LZTR1: variants seen among roughly 807,000 people sequenced by gnomAD.
LZTR1 encodes leucine zipper like post translational regulator 1.
LZTR1 carries 260 observed loss-of-function variants against 105.7 expected under a neutral mutation model. That is an observed-to-expected ratio of 2.46 (90% confidence interval 2.22 to 2.72). The LOEUF (loss-of-function observed/expected upper bound fraction) is 2.72. Ranked by LOEUF, LZTR1 falls within the 30% of genes most tolerant of loss-of-function variation. The pLI is 0.00. For synonymous variants in LZTR1, 490 were observed against 476.4 expected (o/e 1.03, Z -0.37); for missense variants, 1,214 against 1,166.9 (o/e 1.04, Z -0.59).
Position 20,982,407 on chromosome 22 carries a change from G to A in LZTR1, c.36G>A (p.Gly12=), listed in dbSNP as rs756364667. 1.3e-6 allele frequency: 2 copies of A among 1,566,164 alleles called. No homozygotes were observed. The highest frequency in any genetic ancestry group is 1.7e-6 in the Non-Finnish European group (2 of 1,155,008). The change falls in exon 1 of 21, where the codon GGG becomes GGA. Residue 12 remains glycine, a synonymous_variant. Coordinates refer to ENST00000646124, the MANE Select transcript of LZTR1 (RefSeq NM_006767.4). ...AGPGSTGGQI[G]AAALAGGARS... is the part of the protein sequence containing the mutation. Reference sequence around the variant, plus strand: ...CGGGCAGCACGGGGGGGCAGATCGGGGCTGCGGCCCTGGCAGGCGGCGCGC... The same window carrying A: ...CGGGCAGCACGGGGGGGCAGATCGGAGCTGCGGCCCTGGCAGGCGGCGCGC...
chr22:20,991,513 GCT>G, intron 8 of LZTR1, 113 bp from the exon 9 acceptor site: 1 of 806,854 alleles, frequency 1.2e-6, no homozygotes, highest in East Asian at 2.7e-5. Context: ...TGGACCCTGG[GCT>G]AGTCACCGTA....
intron 4 of LZTR1, 117 bp downstream of exon 4, chr22:20,987,700 AC>A (rs935906964): frequency 2.1e-6 from 2 of 950,916 alleles, no homozygotes; most frequent in Admixed American, 3.9e-5. Flanking sequence ...CTCTCTCTCC[AC>A]CCGTGGCTTT....
intron 2 of LZTR1, among the ~76,000 whole-genome samples, chr22:20,983,435 C>T (rs1924272294): frequency 6.6e-6 from 1 of 152,230 alleles, no homozygotes; most frequent in Admixed American, 6.5e-5. Flanking sequence ...GTATGGAGGA[C>T]ACAGTTTTAT....
intron 16 of LZTR1, 53 bp from the exon 17 acceptor site, chr22:20,995,693 C>T (rs114377174): frequency 1.2e-6 from 2 of 1,606,838 alleles, no homozygotes; most frequent in African/African-American, 2.7e-5. Flanking sequence ...TGCCGTGGGG[C>T]CCCAAGGCCA....
intron 2 of LZTR1, among the ~76,000 whole-genome samples, chr22:20,984,613 A>AG (rs55680975): frequency 6.6e-5 from 9 of 136,564 alleles, no homozygotes; most frequent in South Asian, 5.0e-4. Context: ...GCAAGTAAGG[A>AG]GGGGGGGGGG....
chr22:20,988,991 G>C (rs1924502512), intron 6 of LZTR1, 119 bp downstream of exon 6: 5 of 860,258 alleles, frequency 5.8e-6, no homozygotes, highest in Middle Eastern at 2.2e-4. Flanking sequence ...GATTTTGAGT[G>C]CCACTCTGTC....
intron 6 of LZTR1, 32 bp downstream of exon 6, chr22:20,988,904 T>G (rs1281755542): frequency 6.3e-7 from 1 of 1,591,878 alleles, no homozygotes; most frequent in South Asian, 1.1e-5. Flanking sequence ...GCACCCCACC[T>G]CCGACAGCAC....
rs550264575 is a variant in LZTR1, at chr22:20,996,832, A to G, written c.2325+31A>G. ...CCCCCAGCCCCGTGCACATGGCTGC[A>G]GCTCCCACTGAGTGGGTGAAAGGGG... On this transcript the variant is annotated intron_variant, in intron 19 of 20. Coordinates refer to ENST00000646124, the MANE Select transcript of LZTR1 (RefSeq NM_006767.4). 4 of 1,611,578 alleles carry G rather than the reference A, an allele frequency of 2.5e-6. No individual in the cohort carries two copies. In the South Asian group the frequency reaches 3.3e-5, roughly 13 times the overall value.
chr22:20,983,094 G>T lies in LZTR1; in HGVS notation c.263+5G>T, dbSNP rs771241129. ...TGTATTTGGTGGAGACAATGGGTGA[G>T]TGAGTCTCAGCATCAGTGTTTGGAC... On this transcript the variant is annotated splice_donor_5th_base_variant and intron_variant, in intron 2 of 20. Transcript: ENST00000646124. The T allele has an allele frequency of 1.9e-6, 3 of 1,613,020 alleles. No homozygotes were observed. Among genetic ancestry groups the T allele is most frequent in the Non-Finnish European group, 2.5e-6 (3 of 1,179,102 alleles).
chr22:20,988,371 G>T (rs966392843), intron 5 of LZTR1, among the ~76,000 whole-genome samples: 3 of 152,190 alleles, frequency 2.0e-5, no homozygotes, highest in Admixed American at 1.3e-4. Context: ...TTGGGAAGCC[G>T]AGGTGGGAAG....
intron 1 of LZTR1, 37 bp downstream of exon 1, chr22:20,982,608 G>A: frequency 5.6e-6 from 9 of 1,595,284 alleles, no homozygotes; most frequent in Non-Finnish European, 7.7e-6. Flanking sequence ...GGACAGGAAG[G>A]GCGATCTGCG....
In LZTR1 at chr22:20,994,671, C is replaced by T. The variant is rs1390034681; in HGVS notation, c.1729C>T (p.Gln577Ter). ...GTACATCGAGGCCTCCGTGGACCTGCAGAACGTGCTGGTTGTGTGCGAGAG... is the reference window on the plus strand; with the variant it reads ...GTACATCGAGGCCTCCGTGGACCTGTAGAACGTGCTGGTTGTGTGCGAGAG... ...RQYIEASVDL[Q>*]NVLVVCESAA... Residue 577 changes from glutamine (Q) to a stop codon, truncating the protein, a stop_gained, in exon 15 of 21, where the codon CAG becomes TAG. Transcript: ENST00000646124. LOFTEE classifies it high-confidence loss of function. The T allele has an allele frequency of 1.9e-6, 3 of 1,612,894 alleles. No individual in the cohort carries two copies. The highest frequency in any genetic ancestry group is 1.3e-5 in the African/African-American group (1 of 74,932).
At chr22:20,992,498 C>G in intron 10 of LZTR1, 129 bp downstream of exon 10, 2 of 1,120,114 alleles carry the variant, frequency 1.8e-6, no homozygotes, top group Non-Finnish European at 2.5e-6. Context: ...AAAGGGGGTA[C>G]AGGGCCAAGG....
chr22:20,994,001 G>C lies in LZTR1; in HGVS notation c.1431G>C (p.Ala477=). Residue 477 remains alanine, a synonymous_variant, in exon 13 of 21, where the codon GCG becomes GCC. Coordinates refer to ENST00000646124, the MANE Select transcript of LZTR1 (RefSeq NM_006767.4). The part of the protein sequence containing the change: ...SRWLRRKITQ[A]RERLAQKLEQ... The stretch of plus-strand genomic sequence containing the variant: ...GGCTTCGCAGGAAGATCACGCAGGC[G>C]CGGGAGAGGCTGGCCCAGGTGAGGT... The C allele has an allele frequency of 6.2e-7, 1 of 1,610,476 alleles. No individual in the cohort carries two copies. The highest frequency in any genetic ancestry group is 8.5e-7 in the Non-Finnish European group (1 of 1,179,290).
chr22:20,991,300 C>T (rs1601719217), intron 8 of LZTR1: 3 of 340,456 alleles, frequency 8.8e-6, no homozygotes, highest in Non-Finnish European at 1.6e-5. Flanking sequence ...CTGCAATGGT[C>T]TCTGCACAAC....
At chr22:20,993,544 C>T in intron 11 of LZTR1, 118 bp from the exon 12 acceptor site, 1 of 768,864 alleles carries the variant, frequency 1.3e-6, no homozygotes, top group Non-Finnish European at 2.2e-6. Flanking sequence ...GGCCCACCTG[C>T]CTCCTGGGCC....
chr22:20,993,625 G>A lies in LZTR1; in HGVS notation c.1261-37G>A, dbSNP rs1601720728. 5.1e-6 allele frequency: 8 copies of A among 1,575,036 alleles called. No individual in the cohort carries two copies. The East Asian group carries it at 1.8e-4, about 36-fold the overall frequency. On this transcript the variant is annotated intron_variant, in intron 11 of 20. Transcript: ENST00000646124. ...ACAGCCACACTGGGGCCACCCTGCT[G>A]TCTGCAACATCTAGTCTCACTGGGC...
rs146177621 is a variant in LZTR1, at chr22:20,991,763, C to T, written c.927C>T (p.Asn309=). Residue 309 remains asparagine (N), a synonymous_variant, in exon 9 of 21, where the codon AAC becomes AAT. Coordinates refer to ENST00000646124, the MANE Select transcript of LZTR1 (RefSeq NM_006767.4). ...GTGCGGCCGACAACACGCTGCCCAACGAGCTGCACTGCTATGACGTGGACT... is the reference window on the plus strand; with the variant it reads ...GTGCGGCCGACAACACGCTGCCCAATGAGCTGCACTGCTATGACGTGGACT... ...FGGAADNTLP[N]ELHCYDVDFQ... 6.4e-6 allele frequency: 10 copies of T among 1,559,184 alleles called. No individual in the cohort carries two copies. Among genetic ancestry groups the T allele is most frequent in the African/African-American group, 2.7e-5 (2 of 73,628 alleles).
At position 20,992,812 on chromosome 22, in the gene LZTR1, T is replaced by A; in HGVS notation, c.1168T>A (p.Phe390Ile). Residue 390 changes from phenylalanine to isoleucine, a missense_variant, in exon 11 of 21, where the codon TTC (phenylalanine) becomes ATC (isoleucine). Transcript: ENST00000646124. ...CCCCCAGCTGCCCAGTGGGAGGCTC[T>A]TCCACGCGGCTGCTGTCATCTCGGA... ...PASELPSGRL[F>I]HAAAVISDAM... 1 of 1,602,110 alleles carries A rather than the reference T, an allele frequency of 6.2e-7. No individual in the cohort carries two copies. The highest frequency in any genetic ancestry group is 8.5e-7 in the Non-Finnish European group (1 of 1,174,096).
Sources: allele counts gnomAD v4.1 joint callset (sites outside exome capture counted in the v4.1 genomes callset), GRCh38; gene constraint gnomAD v4.1.1; transcripts MANE v1.5; gene names NCBI Gene and HGNC (gene_info 2026-07-23, HGNC 2026-07-21).